LPP: variants seen among roughly 807,000 people sequenced by gnomAD.
LPP encodes the protein lipoma-preferred partner.
LPP carries 38 observed loss-of-function variants against 60.4 expected under a neutral mutation model. The ratio of observed to expected loss-of-function variants is 0.63; its 90% CI spans 0.49 to 0.83. The LOEUF (loss-of-function observed/expected upper bound fraction) is 0.83, where lower values mean the gene tolerates loss of function less well. Ranked by LOEUF, LPP falls within the 40% of genes least tolerant of loss-of-function variation. The pLI is 0.00. For synonymous variants in LPP, 328 were observed against 290.8 expected (o/e 1.13, Z -1.30); for missense variants, 902 against 783.6 (o/e 1.15, Z -1.80).
intron 4 of LPP, among the ~76,000 whole-genome samples, chr3:188,462,601 T>C (rs1393142071): frequency 2.6e-5 from 3 of 116,398 alleles, no homozygotes; most frequent in African/African-American, 1.0e-4. Context: ...TGTGTGTGTG[T>C]GTGTGTGTGT....
intron 6 of LPP, among the ~76,000 whole-genome samples, chr3:188,534,399 G>A (rs1249313101): frequency 6.6e-6 from 1 of 152,218 alleles, no homozygotes; most frequent in Non-Finnish European, 1.5e-5. Flanking sequence ...TATCTCAGTG[G>A]AAATAATTAG....
intron 2 of LPP, among the ~76,000 whole-genome samples, chr3:188,272,510 G>T (rs1164928167): frequency 6.6e-6 from 1 of 152,116 alleles, no homozygotes; most frequent in Non-Finnish European, 1.5e-5. Context: ...TTGCTTCCAT[G>T]TGTGACATTC....
At chr3:188,173,307 C>T (rs1423853133) in intron 1 of LPP, among the ~76,000 whole-genome samples, 3 of 152,068 alleles carry the variant, frequency 2.0e-5, no homozygotes, top group African/African-American at 4.8e-5. Context: ...TCGAGGCCAG[C>T]GTGGCTAACA....
chr3:188,744,565 C>T (rs191057264), intron 8 of LPP, among the ~76,000 whole-genome samples: 338 of 152,210 alleles, frequency 2.2e-3, no homozygotes, highest in African/African-American at 8.0e-3. Flanking sequence ...TATCCTGAGC[C>T]TCCTTGTCTT....
chr3:188,642,297 T>A (rs1292224463), intron 7 of LPP, among the ~76,000 whole-genome samples: 1 of 152,194 alleles, frequency 6.6e-6, no homozygotes, highest in African/African-American at 2.4e-5. Flanking sequence ...ACTGTATTAA[T>A]TTTCTCATGT....
chr3:188,614,018 C>T (rs1844391400), intron 7 of LPP, among the ~76,000 whole-genome samples: 1 of 151,798 alleles, frequency 6.6e-6, no homozygotes, highest in Non-Finnish European at 1.5e-5. Flanking sequence ...ACCTCCACCT[C>T]CCGGGTTCAA....
chr3:188,173,811 A>G (rs1367978731), intron 1 of LPP, among the ~76,000 whole-genome samples: 1 of 152,208 alleles, frequency 6.6e-6, no homozygotes, highest in Non-Finnish European at 1.5e-5. Flanking sequence ...CTGGAAGCCC[A>G]GAGAAGATCA....
At chr3:188,676,109 A>G (rs188158680) in intron 7 of LPP, among the ~76,000 whole-genome samples, 3 of 152,312 alleles carry the variant, frequency 2.0e-5, no homozygotes, top group Admixed American at 1.3e-4. Flanking sequence ...AATATTAGAA[A>G]AGTGAAAACG....
chr3:188,862,691 A>G (rs77912861), intron 9 of LPP, among the ~76,000 whole-genome samples: 2,853 of 144,322 alleles, frequency 0.02, 95 homozygotes, highest in African/African-American at 0.07. Context: ...CCCAGCTATC[A>G]ATGCTGGCAA....
chr3:188,366,663 C>T (rs1304339527), intron 3 of LPP, among the ~76,000 whole-genome samples: 1 of 152,094 alleles, frequency 6.6e-6, no homozygotes, highest in Non-Finnish European at 1.5e-5. Flanking sequence ...CCAATGTAAC[C>T]CCACATTGGA....
At chr3:188,386,315 C>T (rs1384044250) in intron 3 of LPP, among the ~76,000 whole-genome samples, 3 of 151,280 alleles carry the variant, frequency 2.0e-5, no homozygotes, top group African/African-American at 7.3e-5. Flanking sequence ...CACATAATCT[C>T]TCTGCCTTAT....
At chr3:188,496,948 A>G (rs1355323832) in intron 5 of LPP, among the ~76,000 whole-genome samples, 3 of 151,776 alleles carry the variant, frequency 2.0e-5, no homozygotes, top group Non-Finnish European at 4.4e-5. Context: ...GTCAATGTCA[A>G]TCTTTCTTAC....
At chr3:188,776,957 C>T (rs748106480) in intron 9 of LPP, among the ~76,000 whole-genome samples, 31 of 152,282 alleles carry the variant, frequency 2.0e-4, no homozygotes, top group Non-Finnish European at 3.8e-4. Context: ...TTAGACATTT[C>T]CAGGAGAGAA....
chr3:188,664,125 G>A (rs545323469), intron 7 of LPP, among the ~76,000 whole-genome samples: 2 of 152,306 alleles, frequency 1.3e-5, no homozygotes, highest in African/African-American at 4.8e-5. Context: ...ATGAGGTTTT[G>A]GTTTTAAGTG....
chr3:188,816,036 G>A (rs1187119210), intron 9 of LPP, among the ~76,000 whole-genome samples: 12 of 150,796 alleles, frequency 8.0e-5, no homozygotes, highest in Non-Finnish European at 1.2e-4. Context: ...TTTACATTGA[G>A]TAAAGTTTCT....
At chr3:188,276,692 TCTTTCTC>T in intron 2 of LPP, among the ~76,000 whole-genome samples, 1 of 15,416 alleles carries the variant, frequency 6.5e-5, no homozygotes, top group South Asian at 1.6e-3. Context: ...TCTCTCTCTC[TCTTTCTC>T]TCTCTCTCTC....
intron 8 of LPP, 24 bp from the exon 9 acceptor site, chr3:188,760,089 C>G (rs1420567895): frequency 2.5e-6 from 4 of 1,612,468 alleles, no homozygotes; most frequent in African/African-American, 1.3e-5. Context: ...TTGGTGTGTT[C>G]TTATCAAACC....
chr3:188,349,233 C>T lies in LPP; in HGVS notation c.-10+7514C>T, dbSNP rs535651100. On this transcript the variant is annotated intron_variant, in intron 3 of 11. Transcript: ENST00000617246. Reference sequence around the variant, plus strand: ...GCCTGAGTTGAAAGCCAGGATCCTGCAGCTTAATCAGTTATTTTTGCTTTT... The same window carrying T: ...GCCTGAGTTGAAAGCCAGGATCCTGTAGCTTAATCAGTTATTTTTGCTTTT... Among the ~76,000 whole-genome samples, 24 of 152,248 alleles carry T rather than the reference C, an allele frequency of 1.6e-4. No individual in the cohort carries two copies. In the East Asian group the frequency reaches 4.1e-3, roughly 26 times the overall value.
At chr3:188,343,666 G>T (rs1006429351) in intron 3 of LPP, among the ~76,000 whole-genome samples, 3 of 152,080 alleles carry the variant, frequency 2.0e-5, no homozygotes, top group Non-Finnish European at 4.4e-5. Context: ...GCCCTGAAAG[G>T]TTACAAAAAT....
Sources: gnomAD v4.1 joint callset for allele counts (sites outside exome capture counted in the v4.1 genomes callset) on GRCh38, gnomAD v4.1.1 for gene constraint, MANE v1.5 for transcripts, NCBI Gene and HGNC (gene_info 2026-07-23, HGNC 2026-07-21) for gene names.